The following ZFPM1 variants were observed in gnomAD, a reference collection of about 807,000 sequenced individuals.
ZFPM1 encodes zinc finger protein, FOG family member 1.
Under a neutral mutation model 46.3 loss-of-function variants are expected in ZFPM1, and 28 were observed. That is an observed-to-expected ratio of 0.60 (90% confidence interval 0.45 to 0.83). The LOEUF is 0.83. Ranked by LOEUF, ZFPM1 falls within the 40% of genes least tolerant of loss-of-function variation. The pLI, the probability that ZFPM1 is intolerant of heterozygous loss-of-function variation, is 0.00. For synonymous variants in ZFPM1, 957 were observed against 675.9 expected (o/e 1.42, Z -6.45); for missense variants, 1,878 against 1,432.4 (o/e 1.31, Z -5.02).
intron 3 of ZFPM1, among the ~76,000 whole-genome samples, chr16:88,493,197 G>C (rs1909702190): frequency 3.5e-5 from 4 of 112,876 alleles, no homozygotes; most frequent in Non-Finnish European, 4.2e-5. Context: ...CTGTCCCAGG[G>C]TGCGGGGAGC....
Position 88,531,854 on chromosome 16 carries a change from T to G in ZFPM1, c.713-148T>G, listed in dbSNP as rs986205472. ...CTGTCACAGGACCATCCAGGAGGCTTACAGTTACAGGAAGGGGTCAAAGCC... is the reference window on the plus strand; with the variant it reads ...CTGTCACAGGACCATCCAGGAGGCTGACAGTTACAGGAAGGGGTCAAAGCC... On this transcript the variant is annotated intron_variant, in intron 6 of 9. Transcript: ENST00000319555. 5 of 715,226 alleles carry G rather than the reference T, an allele frequency of 7.0e-6. No homozygotes were observed. In the Admixed American group the frequency reaches 1.5e-4, roughly 21 times the overall value. 44.3% of individuals were successfully genotyped at this position (715,226 alleles called of 1,614,324 possible).
At chr16:88,508,046 C>T (rs1292824869) in intron 3 of ZFPM1, among the ~76,000 whole-genome samples, 1 of 152,228 alleles carries the variant, frequency 6.6e-6, no homozygotes, top group East Asian at 1.9e-4. Flanking sequence ...CCTGTAATCC[C>T]AGCACTTGGG....
intron 4 of ZFPM1, among the ~76,000 whole-genome samples, chr16:88,520,555 T>TGGGTGGATGGACGGATG (rs746667910): frequency 4.1e-5 from 5 of 120,918 alleles, no homozygotes; most frequent in Admixed American, 8.3e-5. Context: ...AAAGGATGGA[T>TGGGTGGATGGACGGATG]GGATGGATGG....
rs1004275424 is a variant in ZFPM1, at chr16:88,520,495, T to C, written c.402+5975T>C. ...ACAGATGTATGGGTGGATGGATGAG[T>C]GGGTGGGTAGGTGGATAGATGAATG... On this transcript the variant is annotated intron_variant, in intron 4 of 9. Coordinates refer to ENST00000319555, the MANE Select transcript of ZFPM1 (RefSeq NM_153813.3). Among the ~76,000 whole-genome samples, 28 of 145,656 alleles carry C rather than the reference T, an allele frequency of 1.9e-4. No homozygotes were observed. In the East Asian group the frequency reaches 4.4e-3, roughly 23 times the overall value.
At chr16:88,502,258 A>AGGGCC (rs1237535399) in intron 3 of ZFPM1, among the ~76,000 whole-genome samples, 2 of 152,036 alleles carry the variant, frequency 1.3e-5, no homozygotes, top group Admixed American at 1.3e-4. Context: ...CCTGCCCGAA[A>AGGGCC]GGGCCGAGCA....
chr16:88,488,972 G>A (rs1273041028), intron 2 of ZFPM1, 59 bp from the exon 3 acceptor site: 2 of 1,564,664 alleles, frequency 1.3e-6, no homozygotes, highest in Non-Finnish European at 8.7e-7. Context: ...CAGCTACAGG[G>A]AGGGGCAGCT....
At chr16:88,510,964 C>T (rs377695697) in intron 3 of ZFPM1, among the ~76,000 whole-genome samples, 29 of 152,208 alleles carry the variant, frequency 1.9e-4, no homozygotes, top group African/African-American at 7.0e-4. Context: ...GGCGGGCACT[C>T]ATGTTGGGTT....
At chr16:88,512,719 C>T (rs558431285) in intron 3 of ZFPM1, among the ~76,000 whole-genome samples, 4 of 152,298 alleles carry the variant, frequency 2.6e-5, no homozygotes, top group South Asian at 2.1e-4. Context: ...GAGGACCCGC[C>T]GGAGGCCAGA....
intron 3 of ZFPM1, among the ~76,000 whole-genome samples, chr16:88,501,447 G>A (rs529039439): frequency 2.3e-5 from 3 of 130,552 alleles, no homozygotes; most frequent in African/African-American, 3.0e-5. Context: ...GGGCCATCCC[G>A]CAGGTGCTGG....
At chr16:88,523,913 G>C (rs1055992855) in intron 4 of ZFPM1, among the ~76,000 whole-genome samples, 12 of 152,216 alleles carry the variant, frequency 7.9e-5, no homozygotes, top group Non-Finnish European at 1.6e-4. Flanking sequence ...GCACTCGGCG[G>C]GGCCGGGCGG....
rs376899180 is a variant in ZFPM1 at position 88,526,938 on chromosome 16, C to T, written c.505+22C>T. 27 of 1,545,160 alleles carry T rather than the reference C, an allele frequency of 1.7e-5. No homozygotes were observed. The African/African-American group carries it at 2.0e-4, about 12-fold the overall frequency. ...AAGGGTCAGTATGACGCGGCACCTC[C>T]GTCCCAAGCCTTCCGGAAGGTGGGG... On this transcript the variant is annotated intron_variant, in intron 5 of 9. Transcript: ENST00000319555.
At chr16:88,470,032 ATTT>A (rs1908342701) in intron 1 of ZFPM1, among the ~76,000 whole-genome samples, 1 of 152,076 alleles carries the variant, frequency 6.6e-6, no homozygotes, top group Non-Finnish European at 1.5e-5. Flanking sequence ...TCCCCAGCTG[ATTT>A]CTGGATCTGC....
chr16:88,474,246 A>G (rs1472934871), intron 1 of ZFPM1, among the ~76,000 whole-genome samples: 1 of 151,882 alleles, frequency 6.6e-6, no homozygotes, highest in East Asian at 1.9e-4. Context: ...GCCCCTGGGG[A>G]CACGGGTGGG....
intron 1 of ZFPM1, among the ~76,000 whole-genome samples, chr16:88,453,915 CG>C (rs1286509549): frequency 1.3e-5 from 2 of 151,896 alleles, no homozygotes; most frequent in Non-Finnish European, 2.9e-5. Context: ...GCCCGGAGGC[CG>C]GGAGGAGGGT....
At chr16:88,532,517 G>A in intron 7 of ZFPM1, 97 bp from the exon 8 acceptor site, 2 of 1,298,978 alleles carry the variant, frequency 1.5e-6, no homozygotes, top group Non-Finnish European at 2.1e-6. Flanking sequence ...GGGTCCCCCG[G>A]CACAGATCAC....
chr16:88,458,697 TCCTGCCCA>T (rs1156304419), intron 1 of ZFPM1, among the ~76,000 whole-genome samples: 1 of 152,080 alleles, frequency 6.6e-6, no homozygotes, highest in Non-Finnish European at 1.5e-5. Flanking sequence ...CTGGTGGGGC[TCCTGCCCA>T]CCTGGCCACC....
At position 88,535,015 on chromosome 16, in the gene ZFPM1, C is replaced by G; in HGVS notation, c.*36C>G. On this transcript the variant is annotated 3_prime_UTR_variant, in exon 10 of 10. Transcript: ENST00000319555. ...TACAGCCGCAGACGCTTTGCACGCC[C>G]CGCTGCGATGCGGGGAGGGGGCCGC... 2 of 1,356,700 alleles carry G rather than the reference C, an allele frequency of 1.5e-6. No homozygotes were observed. The highest frequency in any genetic ancestry group is 2.8e-5 in the East Asian group (1 of 35,666). 84.0% of individuals were successfully genotyped at this position (1,356,700 alleles called of 1,614,324 possible).
chr16:88,452,800 G>A (rs956112197), upstream of ZFPM1, among the ~76,000 whole-genome samples: 1 of 152,206 alleles, frequency 6.6e-6, no homozygotes, highest in Non-Finnish European at 1.5e-5. Flanking sequence ...GGTCAGGTTT[G>A]GAGGCGGAGC....
At position 88,533,302 on chromosome 16, in the gene ZFPM1, G is replaced by C; in HGVS notation, c.1344G>C (p.Gln448His). The C allele has an allele frequency of 9.4e-7, 1 of 1,069,454 alleles. No individual in the cohort carries two copies. Among genetic ancestry groups the C allele is most frequent in the South Asian group, 1.4e-5 (1 of 70,392 alleles). The allele number at this position is 1,069,454 out of a possible 1,614,324, so 66.2% of individuals were successfully genotyped here. Residue 448 changes from glutamine (Q) to histidine (H), a missense_variant, in exon 10 of 10, where the codon CAG becomes CAC. Coordinates refer to ENST00000319555, the MANE Select transcript of ZFPM1 (RefSeq NM_153813.3). ...AGGCCAGAGCGGAGCCTCTGGCCCA[G>C]AATGGAGGCAGCAGCGAGCCCCCGG... ...NGEARAEPLAQNGGSSEPPAA... is the reference protein window; with the variant it reads ...NGEARAEPLAHNGGSSEPPAA...
Sources: allele counts gnomAD v4.1 joint callset (sites outside exome capture counted in the v4.1 genomes callset), GRCh38; gene constraint gnomAD v4.1.1; transcripts MANE v1.5; gene names NCBI Gene and HGNC (gene_info 2026-07-23, HGNC 2026-07-21).